Variants in ATRNL1 observed in about 807,000 individuals in gnomAD.
ATRNL1 encodes the protein attractin like 1.
Under a neutral mutation model 182.7 loss-of-function variants are expected in ATRNL1, and 95 were observed. The ratio of observed to expected loss-of-function variants is 0.52; its 90% CI spans 0.44 to 0.62. The LOEUF is 0.62. Among genes scored for constraint, ATRNL1 ranks in the 20% least tolerant of loss-of-function variants. ATRNL1 has a pLI of 0.00. For synonymous variants in ATRNL1, 576 were observed against 568.3 expected, an observed-to-expected ratio of 1.01 and a Z score of -0.19; for missense variants, 1,471 against 1,679.5, an observed-to-expected ratio of 0.88 and a Z score of 2.17.
chr10:115,713,142 G>A (rs1947114662), intron 26 of ATRNL1, among the ~76,000 whole-genome samples: 1 of 152,080 alleles, frequency 6.6e-6, no homozygotes, highest in Admixed American at 6.6e-5. Context: ...TCTGTCATTA[G>A]CCAATTCAGA....
rs114337306 is a variant in ATRNL1 at position 115,720,870 on chromosome 10, A to C, written c.3796-6378A>C. ...TAAAGTAGTTTTGCTGGCTTTTAGA[A>C]TTTGTTCCCTTTTGTTTTAAGCATT... On this transcript the variant is annotated intron_variant, in intron 26 of 28. Coordinates refer to ENST00000355044, the MANE Select transcript of ATRNL1 (RefSeq NM_207303.4). 6.0e-3 allele frequency among the ~76,000 whole-genome samples: 907 copies of C among 152,286 alleles called. 11 individuals are homozygous for C. The highest frequency in any genetic ancestry group is 0.021 in the African/African-American group (863 of 41,568).
intron 22 of ATRNL1, among the ~76,000 whole-genome samples, chr10:115,465,903 C>A (rs543321309): frequency 6.6e-6 from 1 of 151,612 alleles, no homozygotes; most frequent in East Asian, 1.9e-4. Context: ...GTGACAATAT[C>A]ATTTGATGGA....
chr10:115,381,468 T>C (rs1858003233), intron 19 of ATRNL1, among the ~76,000 whole-genome samples: 1 of 127,964 alleles, frequency 7.8e-6, no homozygotes, highest in Non-Finnish European at 1.7e-5. Context: ...TGGGGTTTCT[T>C]CACCATGTTG....
chr10:115,398,401 G>A (rs972899627), intron 20 of ATRNL1, among the ~76,000 whole-genome samples: 4 of 151,832 alleles, frequency 2.6e-5, no homozygotes, highest in Non-Finnish European at 5.9e-5. Context: ...TTTGTGCAGT[G>A]GTTTTTAGTT....
chr10:115,222,797 C>A (rs1554897747), intron 9 of ATRNL1, among the ~76,000 whole-genome samples: 1 of 152,024 alleles, frequency 6.6e-6, no homozygotes, highest in Admixed American at 6.6e-5. Context: ...ATACTAATTA[C>A]AATAAGTGCT....
chr10:115,125,976 T>C (rs574211136), intron 3 of ATRNL1, among the ~76,000 whole-genome samples: 1 of 152,364 alleles, frequency 6.6e-6, no homozygotes, highest in African/African-American at 2.4e-5. Context: ...TTTCCTGGTG[T>C]ATTATACAGG....
chr10:115,863,379 T>A (rs6585369), intron 28 of ATRNL1, among the ~76,000 whole-genome samples: 8,148 of 152,262 alleles, frequency 0.054, 720 homozygotes, highest in African/African-American at 0.19. Flanking sequence ...CAAAAATATA[T>A]ATATGAATGT....
chr10:115,889,485 C>T (rs77332887), intron 28 of ATRNL1, among the ~76,000 whole-genome samples: 30 of 152,272 alleles, frequency 2.0e-4, no homozygotes, highest in East Asian at 3.9e-4. Flanking sequence ...TGCGCCACCA[C>T]GCACCACCCG....
chr10:115,267,733 A>G (rs1401082883), intron 12 of ATRNL1, among the ~76,000 whole-genome samples: 1 of 152,102 alleles, frequency 6.6e-6, no homozygotes, highest in African/African-American at 2.4e-5. Flanking sequence ...AGTAAAATAT[A>G]TGTAAATCCT....
intron 20 of ATRNL1, among the ~76,000 whole-genome samples, chr10:115,423,759 TAAAA>T (rs1200139892): frequency 6.6e-6 from 1 of 151,282 alleles, no homozygotes; most frequent in Non-Finnish European, 1.5e-5. Flanking sequence ...TGTCACCACT[TAAAA>T]AAAAATCAAA....
chr10:115,456,522 A>G (rs375163162), intron 21 of ATRNL1, among the ~76,000 whole-genome samples: 1 of 152,122 alleles, frequency 6.6e-6, no homozygotes, highest in South Asian at 2.1e-4. Flanking sequence ...GTTAGGAGAA[A>G]TACCTAATAC....
chr10:115,647,642 G>A (rs1442195316), intron 26 of ATRNL1, among the ~76,000 whole-genome samples: 2 of 152,018 alleles, frequency 1.3e-5, no homozygotes, highest in Non-Finnish European at 1.5e-5. Context: ...CTTTTTGATG[G>A]GGTTGTTTGA....
intron 9 of ATRNL1, among the ~76,000 whole-genome samples, chr10:115,216,392 G>A (rs1554896259): frequency 6.6e-6 from 1 of 152,104 alleles, no homozygotes; most frequent in Non-Finnish European, 1.5e-5. Flanking sequence ...ATGTGTCCCT[G>A]ATCCTTCATG....
chr10:115,683,601 C>T (rs1244278781), intron 26 of ATRNL1, among the ~76,000 whole-genome samples: 1 of 127,200 alleles, frequency 7.9e-6, no homozygotes, highest in Non-Finnish European at 1.6e-5. Context: ...TGATATTAAC[C>T]TCACAGCAGC....
intron 26 of ATRNL1, among the ~76,000 whole-genome samples, chr10:115,673,331 T>A (rs1292303578): frequency 6.6e-6 from 1 of 152,124 alleles, no homozygotes. Flanking sequence ...ATGTACCACA[T>A]TTTCTTCTTC....
chr10:115,403,798 G>A (rs1192680723), intron 20 of ATRNL1, among the ~76,000 whole-genome samples: 2 of 152,186 alleles, frequency 1.3e-5, no homozygotes, highest in Non-Finnish European at 2.9e-5. Context: ...TTTTGTTGCT[G>A]TATTTGCAAC....
At chr10:115,776,733 T>C (rs1490402049) in intron 27 of ATRNL1, among the ~76,000 whole-genome samples, 3 of 152,162 alleles carry the variant, frequency 2.0e-5, no homozygotes, top group Non-Finnish European at 2.9e-5. Flanking sequence ...TCTTGGCCTA[T>C]GAATGTGTTA....
chr10:115,200,872 C>CA (rs1464872202), intron 8 of ATRNL1, among the ~76,000 whole-genome samples: 1 of 149,650 alleles, frequency 6.7e-6, no homozygotes, highest in Non-Finnish European at 1.5e-5. Context: ...TATTTCTCCA[C>CA]ATCCTCTCCA....
intron 18 of ATRNL1, 103 bp from the exon 19 acceptor site, chr10:115,334,179 G>A (rs1855370352): frequency 1.4e-6 from 1 of 712,726 alleles, no homozygotes; most frequent in African/African-American, 1.8e-5. Flanking sequence ...TGCTCTTTGG[G>A]CACTTTTACA....
Sources: allele counts gnomAD v4.1 joint callset (sites outside exome capture counted in the v4.1 genomes callset), GRCh38; gene constraint gnomAD v4.1.1; transcripts MANE v1.5; gene names NCBI Gene and HGNC (gene_info 2026-07-23, HGNC 2026-07-21).